Variants in SLIT2 observed in about 807,000 individuals in gnomAD.
SLIT2 encodes the protein slit guidance ligand 2.
In SLIT2, 41 loss-of-function variants were observed where a neutral mutation model predicts 185.7. The ratio of observed to expected loss-of-function variants is 0.22; its 90% CI spans 0.17 to 0.29. The LOEUF is 0.29. SLIT2 is among the 10% of genes least tolerant of loss of function. The pLI is 1.00. For missense variants in SLIT2, 1,571 were observed against 1,909.0 expected, an observed-to-expected ratio of 0.82 and a Z score of 3.30; for synonymous variants, 693 against 680.2, an observed-to-expected ratio of 1.02 and a Z score of -0.29.
chr4:20,570,962 C>A (rs1245994370), intron 29 of SLIT2, among the ~76,000 whole-genome samples: 2 of 151,602 alleles, frequency 1.3e-5, no homozygotes, highest in African/African-American at 2.4e-5. Flanking sequence ...CCTTCATTTC[C>A]CCAGCTCCCT....
chr4:20,556,182 G>A (rs1459910021), intron 26 of SLIT2, among the ~76,000 whole-genome samples: 1 of 151,734 alleles, frequency 6.6e-6, no homozygotes, highest in Non-Finnish European at 1.5e-5. Context: ...ATCTTTATTG[G>A]GACAGTGTCC....
At chr4:20,612,873 G>A (rs555491453) in intron 34 of SLIT2, among the ~76,000 whole-genome samples, 3 of 140,440 alleles carry the variant, frequency 2.1e-5, no homozygotes, top group South Asian at 2.2e-4. Flanking sequence ...AGCCGAGATC[G>A]CACCACTGCA....
At chr4:20,510,624 C>G in intron 10 of SLIT2, 58 bp downstream of exon 10, 1 of 1,089,588 alleles carries the variant, frequency 9.2e-7, no homozygotes, top group South Asian at 1.3e-5. Flanking sequence ...GGTCATGAGA[C>G]CATGCAAAGA....
Position 20,411,091 on chromosome 4 carries a change from G to A in SLIT2, c.396-56661G>A, listed in dbSNP as rs564876467. ...TGTTTGTTTCATCTCTGATTTCTTT[G>A]AGCAGTGGTTTGTAGTTCTCTTTGA... On this transcript the variant is annotated intron_variant, in intron 4 of 36. Transcript: ENST00000504154. Among the ~76,000 whole-genome samples, 5 of 152,124 alleles carry A rather than the reference G, an allele frequency of 3.3e-5. No individual in the cohort carries two copies. The East Asian group carries it at 7.7e-4, about 24-fold the overall frequency.
rs567226330 is a variant in SLIT2, at chr4:20,483,048, A to AT, written c.539+2266dup. 3.9e-4 allele frequency among the ~76,000 whole-genome samples: 60 copies of AT among 152,086 alleles called. No individual in the cohort carries two copies. The East Asian group carries it at 8.9e-3, about 23-fold the overall frequency. ...AGAAAGATGACTGTCTGTTTTGCTT[A>AT]TTTTTACCATTCGTGACTCTTTAGG... is the stretch of plus-strand genomic sequence containing the variant. On this transcript the variant is annotated intron_variant, in intron 6 of 36. Transcript: ENST00000504154.
rs141240698 is a variant in SLIT2, at chr4:20,611,134, C to G, written c.3847+967C>G. On this transcript the variant is annotated intron_variant, in intron 34 of 36. Coordinates refer to ENST00000504154, the MANE Select transcript of SLIT2 (RefSeq NM_004787.4). ...TATTTTACAGATAAATAAGTAAAAG[C>G]TTTGAACAGGTTAGTGTACAATTTC... 1.2e-3 allele frequency among the ~76,000 whole-genome samples: 186 copies of G among 152,320 alleles called. 4 individuals are homozygous for G. In the East Asian group the frequency reaches 0.034, roughly 28 times the overall value.
rs1438290727 is a variant in SLIT2, at chr4:20,595,975, T to C, written c.3320+141T>C. The C allele has an allele frequency of 4.3e-6, 3 of 705,292 alleles. No individual in the cohort carries two copies. The African/African-American group carries it at 5.4e-5, about 13-fold the overall frequency. The allele number at this position is 705,292 out of a possible 1,614,324, so 43.7% of individuals were successfully genotyped here. On this transcript the variant is annotated intron_variant, in intron 31 of 36. Transcript: ENST00000504154. Reference sequence around the variant, plus strand: ...TTGTTTGTAACACAAGGATAAATACTTGAGGGGATGGATACCCCATTTAAC... The same window carrying C: ...TTGTTTGTAACACAAGGATAAATACCTGAGGGGATGGATACCCCATTTAAC...
intron 4 of SLIT2, among the ~76,000 whole-genome samples, chr4:20,358,885 A>G (rs984792796): frequency 1.3e-5 from 2 of 152,150 alleles, no homozygotes; most frequent in Non-Finnish European, 2.9e-5. Flanking sequence ...TAATATATTC[A>G]CTGTGTGAAA....
intron 4 of SLIT2, among the ~76,000 whole-genome samples, chr4:20,299,420 A>G (rs998914592): frequency 4.6e-5 from 7 of 152,204 alleles, no homozygotes. Flanking sequence ...AAAGGAGGAC[A>G]TGTGTTTTGT....
At chr4:20,367,448 A>G (rs1365977244) in intron 4 of SLIT2, among the ~76,000 whole-genome samples, 3 of 152,190 alleles carry the variant, frequency 2.0e-5, no homozygotes. Context: ...TGGATGTAAG[A>G]AGCTTAAGAA....
intron 4 of SLIT2, among the ~76,000 whole-genome samples, chr4:20,424,939 T>C (rs1303360786): frequency 6.6e-6 from 1 of 152,144 alleles, no homozygotes; most frequent in Non-Finnish European, 1.5e-5. Flanking sequence ...TGTCTATATA[T>C]TTTTGGTTTA....
chr4:20,295,147 C>A (rs1716338665), intron 4 of SLIT2, among the ~76,000 whole-genome samples: 1 of 152,176 alleles, frequency 6.6e-6, no homozygotes, highest in East Asian at 1.9e-4. Flanking sequence ...TGCAAAAGAA[C>A]CTTGCCTTAA....
At chr4:20,572,971 T>C (rs1181904644) in intron 29 of SLIT2, among the ~76,000 whole-genome samples, 2 of 152,226 alleles carry the variant, frequency 1.3e-5, no homozygotes, top group African/African-American at 2.4e-5. Context: ...TCAGTGTCCA[T>C]CTTAAACAGT....
chr4:20,456,166 A>G (rs1713044688), intron 4 of SLIT2, among the ~76,000 whole-genome samples: 1 of 147,814 alleles, frequency 6.8e-6, no homozygotes, highest in Admixed American at 6.9e-5. Context: ...ATCCTTTGTT[A>G]TAATAGGTCT....
intron 9 of SLIT2, among the ~76,000 whole-genome samples, chr4:20,509,627 A>T (rs1719523387): frequency 6.6e-6 from 1 of 152,150 alleles, no homozygotes; most frequent in Non-Finnish European, 1.5e-5. Context: ...GGAGAAGGGG[A>T]TGGGAAATGA....
intron 4 of SLIT2, among the ~76,000 whole-genome samples, chr4:20,346,310 G>A (rs1721407865): frequency 6.6e-6 from 1 of 152,030 alleles, no homozygotes; most frequent in African/African-American, 2.4e-5. Context: ...TTGATATTTT[G>A]GACCAAATAA....
chr4:20,432,598 G>A (rs537898305), intron 4 of SLIT2, among the ~76,000 whole-genome samples: 8 of 151,228 alleles, frequency 5.3e-5, no homozygotes, highest in Non-Finnish European at 1.2e-4. Context: ...GAGTTAATAG[G>A]TGTTGTTCCT....
chr4:20,340,079 A>T (rs563144597), intron 4 of SLIT2, among the ~76,000 whole-genome samples: 205 of 152,190 alleles, frequency 1.3e-3, no homozygotes, highest in Non-Finnish European at 2.2e-3. Context: ...TCTTTTTAAA[A>T]TTTTTAAATT....
chr4:20,283,677 T>C, intron 4 of SLIT2, among the ~76,000 whole-genome samples: 1 of 152,162 alleles, frequency 6.6e-6, no homozygotes, highest in Non-Finnish European at 1.5e-5. Flanking sequence ...TTGTTAATAT[T>C]GAGAGAAAAG....
Sources: allele counts gnomAD v4.1 joint callset (sites outside exome capture counted in the v4.1 genomes callset), GRCh38; gene constraint gnomAD v4.1.1; transcripts MANE v1.5; gene names NCBI Gene and HGNC (gene_info 2026-07-23, HGNC 2026-07-21).